PRSS55: variants seen among roughly 807,000 people sequenced by gnomAD.
The protein encoded by PRSS55 is probable serine protease UNQ9391/PRO34284.
PRSS55 carries 41 observed loss-of-function variants against 23.6 expected under a neutral mutation model. That is an observed-to-expected ratio of 1.74 (90% CI 1.35 to 2.26). PRSS55 has a LOEUF of 2.26. Ranked by LOEUF, PRSS55 falls within the 30% of genes most tolerant of loss-of-function variation. The pLI is 0.00. For synonymous variants in PRSS55, 262 were observed against 175.5 expected (o/e 1.49, Z -3.90); for missense variants, 669 against 439.1 (o/e 1.52, Z -4.68).
At chr8:10,529,764 C>CAA (rs1812182266) in intron 2 of PRSS55, 65 bp downstream of exon 2, 1 of 1,497,250 alleles carries the variant, frequency 6.7e-7, no homozygotes, top group South Asian at 1.2e-5. Context: ...CCCTCCCCCT[C>CAA]ACCCACACCT....
At chr8:10,544,396 A>G (rs1812760795) in intron 4 of PRSS55, among the ~76,000 whole-genome samples, 1 of 129,596 alleles carries the variant, frequency 7.7e-6, no homozygotes, top group Admixed American at 7.4e-5. Context: ...TTTTTAACCT[A>G]CTTATATATG....
At position 10,538,781 on chromosome 8, in the gene PRSS55, T is replaced by C; in HGVS notation, c.1047T>C (p.Ala349=). 6.4e-7 allele frequency: 1 copy of C among 1,563,506 alleles called. No homozygotes were observed. Among genetic ancestry groups the C allele is most frequent in the Non-Finnish European group, 8.6e-7 (1 of 1,158,158 alleles). Residue 349 remains alanine (A), a synonymous_variant, in exon 5 of 5, where the codon GCT becomes GCC. Transcript: ENST00000328655. The stretch of plus-strand genomic sequence containing the variant: ...CCCTGTCCCATGTGTTGTTCAGAGC[T>C]ATTTTGTACTGATAATAAAATAGAG... ...LCPLSHVLFR[A]ILY is the part of the protein sequence containing the mutation.
chr8:10,537,167 A>T (rs1812485526), intron 4 of PRSS55, among the ~76,000 whole-genome samples: 2 of 152,276 alleles, frequency 1.3e-5, no homozygotes, highest in African/African-American at 4.8e-5. Context: ...TCGAAGAGAC[A>T]TCTGCACTTG....
At chr8:10,550,831 C>T (rs1233658249) in intron 4 of PRSS55, among the ~76,000 whole-genome samples, 4 of 152,160 alleles carry the variant, frequency 2.6e-5, no homozygotes, top group African/African-American at 7.2e-5. Context: ...TGTGTGTGCA[C>T]GTGTGTGTGC....
chr8:10,553,840 A>C (rs1249467392), intron 4 of PRSS55: 1 of 710,838 alleles, frequency 1.4e-6, no homozygotes, highest in Non-Finnish European at 2.2e-6. Flanking sequence ...AATTAGTTTA[A>C]TTGGAGTAAC....
At chr8:10,532,060 A>C (rs73662853) in intron 3 of PRSS55, among the ~76,000 whole-genome samples, 11,556 of 152,184 alleles carry the variant, frequency 0.076, 535 homozygotes, top group Middle Eastern at 0.12. Flanking sequence ...ACTGTCCCCC[A>C]AAAAAACCCA....
Position 10,538,459 on chromosome 8 carries a change from G to C in PRSS55, c.742-17G>C. The C allele has an allele frequency of 6.3e-7, 1 of 1,594,930 alleles. No homozygotes were observed. Among genetic ancestry groups the C allele is most frequent in the Non-Finnish European group, 8.6e-7 (1 of 1,166,632 alleles). ...TTAGAACCGGACTCCCTGCTGAGCT[G>C]TGTTCTCTGCCCACAGGGTGACAGT... On this transcript the variant is annotated splice_polypyrimidine_tract_variant and intron_variant, in intron 4 of 4. Coordinates refer to ENST00000328655, the MANE Select transcript of PRSS55 (RefSeq NM_198464.4).
intron 4 of PRSS55, among the ~76,000 whole-genome samples, chr8:10,535,035 G>A (rs1812408201): frequency 6.6e-6 from 1 of 152,050 alleles, no homozygotes; most frequent in African/African-American, 2.4e-5. Flanking sequence ...TCTACAATAA[G>A]AATTACAAAA....
At chr8:10,529,354 C>A (rs1422308626) in intron 1 of PRSS55, 153 bp from the exon 2 acceptor site, 2 of 740,926 alleles carry the variant, frequency 2.7e-6, no homozygotes, top group African/African-American at 1.7e-5. Context: ...GTCACAAGGG[C>A]TGCCCCGCTC....
At chr8:10,543,463 C>CCTTCCTTCCTTCCTTCCTTCCTTCCTTT (rs71203336), downstream of PRSS55, among the ~76,000 whole-genome samples, 1 of 49,676 alleles carries the variant, frequency 2.0e-5, no homozygotes, top group Non-Finnish European at 4.8e-5. Flanking sequence ...TTCCTTCCTT[C>CCTTCCTTCCTTCCTTCCTTCCTTCCTTT]CTTTCTTTCT....
chr8:10,553,404 A>T (rs1482496545), intron 4 of PRSS55, among the ~76,000 whole-genome samples: 3 of 152,240 alleles, frequency 2.0e-5, no homozygotes, highest in African/African-American at 7.2e-5. Context: ...CTATGTGTCC[A>T]TCAACAGATG....
rs1812170292 is a variant in PRSS55 at position 10,529,583 on chromosome 8, T to C, written c.231T>C (p.Gly77=). The C allele has an allele frequency of 6.2e-7, 1 of 1,613,954 alleles. No homozygotes were observed. The highest frequency in any genetic ancestry group is 1.1e-5 in the South Asian group (1 of 91,088). ...RITGGMEAEV[G]EFPWQVSIQA... ...CAGGGGGGATGGAGGCGGAGGTGGG[T>C]GAGTTTCCGTGGCAGGTGAGTATTC... is the stretch of plus-strand genomic sequence containing the variant. Residue 77 remains glycine, a synonymous_variant, in exon 2 of 5, where the codon GGT becomes GGC. Transcript: ENST00000328655.
Position 10,529,670 on chromosome 8 carries a change from G to A in PRSS55, c.318G>A (p.Ala106=), listed in dbSNP as rs375144178. 28 of 1,613,992 alleles carry A rather than the reference G, an allele frequency of 1.7e-5. No individual in the cohort carries two copies. The highest frequency in any genetic ancestry group is 1.6e-4 in the Middle Eastern group (1 of 6,078). Residue 106 remains alanine, a synonymous_variant, in exon 2 of 5, where the codon GCG becomes GCA. Transcript: ENST00000328655. The stretch of plus-strand genomic sequence containing the variant: ...TCAACAAGTGGTGGATTCTCACTGC[G>A]GCTCACTGCTTATATTCCGAGGAGC... ...SILNKWWILT[A]AHCLYSEELF...
At chr8:10,538,406 G>A (rs368737166) in intron 4 of PRSS55, 70 bp from the exon 5 acceptor site, 1 of 1,212,428 alleles carries the variant, frequency 8.2e-7, no homozygotes, top group South Asian at 1.4e-5. Context: ...TTCCATGAAT[G>A]AGCTGTGCCC....
intron 4 of PRSS55, among the ~76,000 whole-genome samples, chr8:10,552,173 C>T (rs1812966380): frequency 6.6e-6 from 1 of 152,218 alleles, no homozygotes; most frequent in Admixed American, 6.5e-5. Context: ...AGAACAAACG[C>T]TGGGATCCAT....
chr8:10,543,475 TCTC>T (rs1563547406), downstream of PRSS55, among the ~76,000 whole-genome samples: 5 of 26,952 alleles, frequency 1.9e-4, no homozygotes, highest in Non-Finnish European at 6.3e-4. Context: ...TTTCTTTCTT[TCTC>T]TCTTTTTTTT....
Position 10,531,471 on chromosome 8 carries a change from T to C in PRSS55, c.524T>C (p.Ile175Thr). The C allele has an allele frequency of 6.2e-7, 1 of 1,614,112 alleles. No individual in the cohort carries two copies. The highest frequency in any genetic ancestry group is 8.5e-7 in the Non-Finnish European group (1 of 1,180,050). The change falls in exon 3 of 5, where the codon ATC (isoleucine) becomes ACC (threonine). Residue 175 changes from isoleucine (I) to threonine (T), a missense_variant. Ile to Thr is a moderately conservative substitution (Grantham distance 89). Transcript: ENST00000328655. Reference sequence around the variant, plus strand: ...AAGCTCGATGACCTGAAGGTGCCCATCTGCCTCCCCACGCAGCCCGGCCCT... The same window carrying C: ...AAGCTCGATGACCTGAAGGTGCCCACCTGCCTCCCCACGCAGCCCGGCCCT... Reference protein sequence around the residue: ...PIKLDDLKVPICLPTQPGPAT... With the variant: ...PIKLDDLKVPTCLPTQPGPAT...
chr8:10,538,000 G>A (rs990014505), intron 4 of PRSS55, among the ~76,000 whole-genome samples: 3 of 152,252 alleles, frequency 2.0e-5, no homozygotes, highest in Middle Eastern at 3.4e-3. Context: ...TCTGAAAAGC[G>A]TGGCTGAATT....
At chr8:10,540,708 C>G (rs1318278004), downstream of PRSS55, 1 of 152,024 alleles carries the variant, frequency 6.6e-6, no homozygotes, top group Non-Finnish European at 1.5e-5. Context: ...AGAGTGAACT[C>G]TATCTCCAAA....
Sources: gnomAD v4.1 joint callset for allele counts (sites outside exome capture counted in the v4.1 genomes callset) on GRCh38, gnomAD v4.1.1 for gene constraint, MANE v1.5 for transcripts, NCBI Gene and HGNC (gene_info 2026-07-23, HGNC 2026-07-21) for gene names.